CPEB4: variants seen among roughly 807,000 people sequenced by gnomAD.
CPEB4 encodes cytoplasmic polyadenylation element-binding protein 4.
A neutral mutation model predicts 72.5 loss-of-function variants in CPEB4; 12 were observed. That is an observed-to-expected ratio of 0.17 (90% CI 0.11 to 0.27). The LOEUF is 0.27. Among genes scored for constraint, CPEB4 ranks in the 10% least tolerant of loss-of-function variants. CPEB4 has a pLI of 1.00. For synonymous variants in CPEB4, 302 were observed against 326.3 expected (o/e 0.93, Z 0.80); for missense variants, 614 against 908.5 (o/e 0.68, Z 4.17).
chr5:173,939,866 C>T (rs1757770374), intron 3 of CPEB4, among the ~76,000 whole-genome samples: 1 of 148,058 alleles, frequency 6.8e-6, no homozygotes, highest in Non-Finnish European at 1.5e-5. Context: ...AATCCTAGCA[C>T]TTTGGGAGGC....
chr5:173,952,952 G>A, intron 8 of CPEB4, 139 bp from the exon 9 acceptor site: 1 of 682,192 alleles, frequency 1.5e-6, no homozygotes, highest in East Asian at 2.6e-5. Context: ...TGGATGACTG[G>A]TTGTAGTAAT....
chr5:173,934,854 TTCTG>T (rs1197971843), intron 3 of CPEB4, among the ~76,000 whole-genome samples: 3 of 152,224 alleles, frequency 2.0e-5, no homozygotes, highest in Admixed American at 6.5e-5. Context: ...ACATTGTCCA[TTCTG>T]TCAGTCATGT....
chr5:173,901,996 T>C (rs1454993764), intron 1 of CPEB4, among the ~76,000 whole-genome samples: 1 of 152,072 alleles, frequency 6.6e-6, no homozygotes, highest in East Asian at 1.9e-4. Flanking sequence ...TGTGTAGGGA[T>C]GTGAGGGTCA....
At chr5:173,924,261 T>A (rs894106756) in intron 2 of CPEB4, among the ~76,000 whole-genome samples, 3 of 152,090 alleles carry the variant, frequency 2.0e-5, no homozygotes, top group South Asian at 2.1e-4. Flanking sequence ...AAAAGAAAAA[T>A]TTTAGGTTGA....
chr5:173,945,241 C>A, intron 5 of CPEB4, 101 bp downstream of exon 5: 1 of 983,962 alleles, frequency 1.0e-6, no homozygotes, highest in Non-Finnish European at 1.5e-6. Context: ...CTCCAATAGT[C>A]AGCCCTGCTT....
intron 2 of CPEB4, among the ~76,000 whole-genome samples, chr5:173,917,102 G>A (rs150509190): frequency 1.3e-5 from 2 of 152,260 alleles, no homozygotes; most frequent in East Asian, 3.9e-4. Flanking sequence ...AATAGCTCTG[G>A]AAACCTGCTA....
At chr5:173,910,796 G>A in intron 2 of CPEB4, 192 bp downstream of exon 2, 3 of 537,830 alleles carry the variant, frequency 5.6e-6, no homozygotes, top group Non-Finnish European at 6.6e-6. Flanking sequence ...TGGAGCCATC[G>A]TGATACCAGG....
rs532064408 is a variant in CPEB4, at chr5:173,929,864, C to T, written c.1208-2586C>T. ...CTCTTAATATTTCAACTAATGTTAT[C>T]AAATATTTTTGTCTCTATATTGATT... On this transcript the variant is annotated intron_variant, in intron 2 of 9. Transcript: ENST00000265085. 5.3e-5 allele frequency among the ~76,000 whole-genome samples: 8 copies of T among 152,158 alleles called. No individual in the cohort carries two copies. The South Asian group carries it at 1.7e-3, about 32-fold the overall frequency.
At chr5:173,899,690 A>G (rs1487893244) in intron 1 of CPEB4, among the ~76,000 whole-genome samples, 1 of 152,212 alleles carries the variant, frequency 6.6e-6, no homozygotes, top group Non-Finnish European at 1.5e-5. Context: ...GAGTGAGAGA[A>G]CAGGACAGGA....
In CPEB4 at chr5:173,900,583, C is replaced by T. The variant is rs568212302; in HGVS notation, c.1125+9725C>T. ...CCTGCTTTCCTTGAACTAATGACTT[C>T]TTGCCCTGAATAGTTTATTAGGGAG... On this transcript the variant is annotated intron_variant, in intron 1 of 9. Transcript: ENST00000265085. The surrounding 1 kb of genome is among the most constrained non-coding windows in gnomAD (Gnocchi z 4.4). Among the ~76,000 whole-genome samples the T allele has an allele frequency of 6.6e-6, 1 of 152,154 alleles. No individual in the cohort carries two copies. Among genetic ancestry groups the T allele is most frequent in the Non-Finnish European group, 1.5e-5 (1 of 68,028 alleles).
chr5:173,905,366 C>T (rs183206363), intron 1 of CPEB4, among the ~76,000 whole-genome samples: 41 of 151,116 alleles, frequency 2.7e-4, no homozygotes, highest in Non-Finnish European at 4.7e-4. Flanking sequence ...GATGGAGTCT[C>T]GCTCTAACGC....
At chr5:173,904,747 A>G (rs1351482563) in intron 1 of CPEB4, among the ~76,000 whole-genome samples, 1 of 151,946 alleles carries the variant, frequency 6.6e-6, no homozygotes, top group Admixed American at 6.6e-5. Flanking sequence ...CCACTAAACT[A>G]TGCAGTAACC....
Position 173,888,684 on chromosome 5 carries a change from C to CT in CPEB4, c.-1043dup. On this transcript the variant is annotated 5_prime_UTR_variant, in exon 1 of 10. Transcript: ENST00000265085. The surrounding 1 kb of genome is among the most constrained non-coding windows in gnomAD (Gnocchi z 4.3). ...AAATAACTACGGTAGTGGGTTTTTC[C>CT]TTTTTTTCCTCTTTTTTCCCTCTCT... 2.5e-6 allele frequency: 1 copy of CT among 397,658 alleles called. No individual in the cohort carries two copies. The highest frequency in any genetic ancestry group is 4.4e-6 in the Non-Finnish European group (1 of 225,198). 24.6% of individuals were successfully genotyped at this position (397,658 alleles called of 1,614,324 possible).
At position 173,912,642 on chromosome 5, in the gene CPEB4, T is replaced by A. The variant is rs911535938; in HGVS notation, c.1207+2038T>A. ...AATAAAATAATTTTTTTTTTTTTTT[T>A]AAAAAGTTAAGGTCTGGTGCGGTGG... On this transcript the variant is annotated intron_variant, in intron 2 of 9. Transcript: ENST00000265085. 1.5e-3 allele frequency among the ~76,000 whole-genome samples: 220 copies of A among 149,294 alleles called. 1 individual carries two copies. Among genetic ancestry groups the A allele is most frequent in the Middle Eastern group, 0.01 (3 of 290 alleles).
intron 1 of CPEB4, among the ~76,000 whole-genome samples, chr5:173,895,845 C>G (rs1248639889): frequency 6.6e-6 from 1 of 151,990 alleles, no homozygotes; most frequent in Admixed American, 6.6e-5. Context: ...CTTTTTCTAT[C>G]TTCAGAGAAG....
intron 1 of CPEB4, among the ~76,000 whole-genome samples, chr5:173,899,930 G>C (rs1465232912): frequency 6.6e-6 from 1 of 152,140 alleles, no homozygotes; most frequent in African/African-American, 2.4e-5. Flanking sequence ...TCCTCTTTGT[G>C]CTTGAGTGTT....
Position 173,889,666 on chromosome 5 carries a change from G to A in CPEB4, c.-68G>A. The A allele has an allele frequency of 7.3e-7, 1 of 1,378,684 alleles. No homozygotes were observed. Among genetic ancestry groups the A allele is most frequent in the Non-Finnish European group, 9.9e-7 (1 of 1,012,262 alleles). 85.4% of individuals were successfully genotyped at this position (1,378,684 alleles called of 1,614,324 possible). ...GCAAACAACTTAAATTTGGGGTAGA[G>A]GAAAAAAAAGGCGTGAGACATCAGG... On this transcript the variant is annotated 5_prime_UTR_variant, in exon 1 of 10. Coordinates refer to ENST00000265085, the MANE Select transcript of CPEB4 (RefSeq NM_030627.4).
intron 1 of CPEB4, among the ~76,000 whole-genome samples, chr5:173,904,924 T>C (rs1460809065): frequency 1.3e-5 from 2 of 151,126 alleles, no homozygotes; most frequent in Non-Finnish European, 2.9e-5. Flanking sequence ...TGAGCTGTGA[T>C]TGTGCCACTG....
At chr5:173,948,344 G>T (rs1241224414) in intron 5 of CPEB4, among the ~76,000 whole-genome samples, 2 of 152,112 alleles carry the variant, frequency 1.3e-5, no homozygotes, top group Admixed American at 6.6e-5. Context: ...AGGAGAAAAG[G>T]TTTGCTTGTG....
Sources: gnomAD v4.1 joint callset for allele counts (sites outside exome capture counted in the v4.1 genomes callset) on GRCh38, gnomAD v4.1.1 for gene constraint, Gnocchi (gnomAD v3.1) non-coding constraint, MANE v1.5 for transcripts, NCBI Gene and HGNC (gene_info 2026-07-23, HGNC 2026-07-21) for gene names.